Variants in MBLAC2 observed in about 807,000 individuals in gnomAD.
MBLAC2 encodes metallo-beta-lactamase domain containing 2.
In MBLAC2, 24 loss-of-function variants were observed where a neutral mutation model predicts 23.3. The ratio of observed to expected loss-of-function variants is 1.03; its 90% CI spans 0.75 to 1.45. The LOEUF (loss-of-function observed/expected upper bound fraction) is 1.45, where lower values mean the gene tolerates loss of function less well. MBLAC2 is among the 40% of genes most tolerant of loss of function. MBLAC2 has a pLI of 0.00. For synonymous variants in MBLAC2, 162 were observed against 150.9 expected, an observed-to-expected ratio of 1.07 and a Z score of -0.54; for missense variants, 358 against 370.0, an observed-to-expected ratio of 0.97 and a Z score of 0.27.
chr5:90,468,031 G>T (rs1750479531), intron 1 of MBLAC2, among the ~76,000 whole-genome samples: 1 of 152,190 alleles, frequency 6.6e-6, no homozygotes, highest in Non-Finnish European at 1.5e-5. Context: ...GCTAAAAATA[G>T]GACCCCAATC....
In MBLAC2 at chr5:90,474,584, G is replaced by A. The variant is rs532395982; in HGVS notation, c.-292C>T. 3.5e-4 allele frequency: 159 copies of A among 453,400 alleles called. 2 individuals carry two copies. The highest frequency in any genetic ancestry group is 1.5e-3 in the Admixed American group (39 of 25,252). The allele number at this position is 453,400 out of a possible 1,614,324, so 28.1% of individuals were successfully genotyped here. On this transcript the variant is annotated 5_prime_UTR_variant, in exon 1 of 2. Transcript: ENST00000316610. ...ACCGCAGCCTCGGCAGCCGCACCAC[G>A]AGAGAGCTTTAACGCAGGGGCCACT... is the stretch of plus-strand genomic sequence containing the variant.
chr5:90,473,589 G>A, intron 1 of MBLAC2: 1 of 658,766 alleles, frequency 1.5e-6, no homozygotes, highest in Non-Finnish European at 2.7e-6. Flanking sequence ...GGAGGGGGTG[G>A]TGCCGGCTTT....
Position 90,459,509 on chromosome 5 carries a change from ACTAT to A in MBLAC2, c.*1654_*1657del, listed in dbSNP as rs1750324662. ...TTGGATTGTTTTGTTTCCAACTCTG[ACTAT>A]CTAACAAGTTCATCCTTCCAAATTT... On this transcript the variant is annotated 3_prime_UTR_variant, in exon 2 of 2. Coordinates refer to ENST00000316610, the MANE Select transcript of MBLAC2 (RefSeq NM_203406.2). The A allele has an allele frequency of 6.6e-6, 1 of 152,050 alleles. No homozygotes were observed. The allele number at this position is 152,050 out of a possible 1,614,324, so 9.4% of individuals were successfully genotyped here. A position where few individuals can be genotyped will look rare whatever the true frequency, so the allele number is the denominator to read the frequency against.
intron 1 of MBLAC2, among the ~76,000 whole-genome samples, chr5:90,468,771 A>G (rs1750494056): frequency 6.6e-6 from 1 of 152,206 alleles, no homozygotes; most frequent in South Asian, 2.1e-4. Flanking sequence ...CAACTCCAAA[A>G]GAAACCCTCA....
intron 1 of MBLAC2, among the ~76,000 whole-genome samples, chr5:90,469,209 G>A (rs914847413): frequency 1.6e-4 from 25 of 152,028 alleles, no homozygotes; most frequent in African/African-American, 4.8e-4. Flanking sequence ...CAGGTGATCC[G>A]CCCTCCTCGG....
intron 1 of MBLAC2, chr5:90,473,216 A>T (rs1247178747): frequency 1.2e-5 from 2 of 161,498 alleles, no homozygotes; most frequent in East Asian, 3.8e-4. Flanking sequence ...AGTAAGACTC[A>T]GACATATTCT....
chr5:90,461,316 G>A lies in MBLAC2; in HGVS notation c.691C>T (p.His231Tyr), dbSNP rs1750362444. The change falls in exon 2 of 2, where the codon CAC becomes TAC. Residue 231 changes from histidine (H) to tyrosine (Y), a missense_variant. By Grantham distance (83) the His-to-Tyr change is moderately conservative. Coordinates refer to ENST00000316610, the MANE Select transcript of MBLAC2 (RefSeq NM_203406.2). ...RGLVEKVLPGHFNTFGAERLF... is the reference protein window; with the variant it reads ...RGLVEKVLPGYFNTFGAERLF... ...CTTTCAGCACCAAAGGTATTGAAGT[G>A]CCCAGGAAGCACCTTCTCTACCAGA... The A allele has an allele frequency of 1.9e-6, 3 of 1,614,022 alleles. No homozygotes were observed. In the South Asian group the frequency reaches 3.3e-5, roughly 18 times the overall value.
chr5:90,464,252 A>G (rs1750414881), intron 1 of MBLAC2, among the ~76,000 whole-genome samples: 1 of 152,176 alleles, frequency 6.6e-6, no homozygotes, highest in Non-Finnish European at 1.5e-5. Context: ...CCCTCATAAA[A>G]GCCAGACAAA....
intron 1 of MBLAC2, chr5:90,473,562 T>C (rs1435479874): frequency 3.1e-6 from 2 of 643,824 alleles, no homozygotes; most frequent in Non-Finnish European, 5.5e-6. Context: ...CTACAGCCGA[T>C]GCAGGAAAGT....
chr5:90,461,489 C>A lies in MBLAC2; in HGVS notation c.518G>T (p.Gly173Val). The A allele has an allele frequency of 6.2e-7, 1 of 1,614,054 alleles. No individual in the cohort carries two copies. Among genetic ancestry groups the A allele is most frequent in the Non-Finnish European group, 8.5e-7 (1 of 1,179,978 alleles). Residue 173 changes from glycine to valine, a missense_variant, in exon 2 of 2, where the codon GGC becomes GTC. By Grantham distance (109) the Gly-to-Val change is moderately radical. Coordinates refer to ENST00000316610, the MANE Select transcript of MBLAC2 (RefSeq NM_203406.2). The stretch of plus-strand genomic sequence containing the variant: ...GTCTTTGTCATGTAAGCAAATACTG[C>A]CCCTGGAGTGACCTGGCATGTGCAT... ...TVMHMPGHSR[G>V]SICLHDKDRK...
Position 90,459,250 on chromosome 5 carries a change from G to C in MBLAC2, c.*1917C>G, listed in dbSNP as rs937773040. 1 of 152,476 alleles carries C rather than the reference G, an allele frequency of 6.6e-6. No individual in the cohort carries two copies. Among genetic ancestry groups the C allele is most frequent in the Non-Finnish European group, 1.5e-5 (1 of 67,978 alleles). The allele number at this position is 152,476 out of a possible 1,614,324, so 9.4% of individuals were successfully genotyped here. The stretch of plus-strand genomic sequence containing the variant: ...CATAGAGAAATGCCCATGATATTCT[G>C]TTAATATAATTGAACCAATCATACC... On this transcript the variant is annotated 3_prime_UTR_variant, in exon 2 of 2. Transcript: ENST00000316610.
intron 1 of MBLAC2, among the ~76,000 whole-genome samples, chr5:90,470,754 G>GCACACACA (rs112575403): frequency 0.022 from 2,500 of 112,458 alleles, 35 homozygotes; most frequent in African/African-American, 0.024. Context: ...ACTAGCGCGC[G>GCACACACA]CGCACACACA....
At chr5:90,470,331 C>T (rs1935273685) in intron 1 of MBLAC2, among the ~76,000 whole-genome samples, 1 of 152,066 alleles carries the variant, frequency 6.6e-6, no homozygotes, top group Non-Finnish European at 1.5e-5. Flanking sequence ...TTCAAAATAG[C>T]TAGAAGATTT....
rs112198131 is a variant in MBLAC2 at position 90,464,242 on chromosome 5, C to A, written c.455-2690G>T. Among the ~76,000 whole-genome samples the A allele has an allele frequency of 9.5e-3, 1,437 of 152,062 alleles. 10 individuals carry two copies. Among genetic ancestry groups the A allele is most frequent in the Non-Finnish European group, 0.014 (924 of 67,988 alleles). On this transcript the variant is annotated intron_variant, in intron 1 of 1. Transcript: ENST00000316610. ...GATGAGAAATCTAACTCAGTTATTACCCTCATAAAAGCCAGACAAAGACAA... is the reference window on the plus strand; with the variant it reads ...GATGAGAAATCTAACTCAGTTATTAACCTCATAAAAGCCAGACAAAGACAA...
chr5:90,467,137 T>G (rs1232186050), intron 1 of MBLAC2, among the ~76,000 whole-genome samples: 2 of 152,052 alleles, frequency 1.3e-5, no homozygotes, highest in East Asian at 3.9e-4. Context: ...CTCAAAAAAG[T>G]AAAAAATAAA....
chr5:90,463,869 G>C (rs1216670649), intron 1 of MBLAC2, among the ~76,000 whole-genome samples: 1 of 151,962 alleles, frequency 6.6e-6, no homozygotes, highest in East Asian at 1.9e-4. Flanking sequence ...AATTAGAGAA[G>C]ATACAACTTG....
rs535499369 is a variant in MBLAC2 at position 90,470,445 on chromosome 5, G to A, written c.454+3394C>T. Among the ~76,000 whole-genome samples the A allele has an allele frequency of 1.3e-4, 19 of 151,980 alleles. No individual in the cohort carries two copies. The East Asian group carries it at 3.3e-3, about 26-fold the overall frequency. On this transcript the variant is annotated intron_variant, in intron 1 of 1. Transcript: ENST00000316610. ...GTATGCGTTTATCAAAATATCACAC[G>A]TACCCCATAAGTAATTACAACTATT...
At position 90,461,181 on chromosome 5, in the gene MBLAC2, T is replaced by C; in HGVS notation, c.826A>G (p.Arg276Gly). Residue 276 changes from arginine (R) to glycine (G), a missense_variant, in exon 2 of 2, where the codon AGG (arginine) becomes GGG (glycine). Physicochemically the swap from Arg to Gly is moderately radical, Grantham distance 125. Coordinates refer to ENST00000316610, the MANE Select transcript of MBLAC2 (RefSeq NM_203406.2). ...CAGTATAGATACTAGGGCGAGGTCCTAGAATTTGTTACACGTAGAGCTAAA... is the reference window on the plus strand; with the variant it reads ...CAGTATAGATACTAGGGCGAGGTCCCAGAATTTGTTACACGTAGAGCTAAA... ...ASLALRVTNS[R>G]TSP is the part of the protein sequence containing the mutation. 2 of 1,601,394 alleles carry C rather than the reference T, an allele frequency of 1.2e-6. No homozygotes were observed. Among genetic ancestry groups the C allele is most frequent in the South Asian group, 2.3e-5 (2 of 88,728 alleles).
rs1166702805 is a variant in MBLAC2, at chr5:90,465,299, A to G, written c.455-3747T>C. On this transcript the variant is annotated intron_variant, in intron 1 of 1. Transcript: ENST00000316610. ...TTTGACAAAAGATGTTTTGTAATAT[A>G]TGAACACTGTATAATGAAAACTACA... Among the ~76,000 whole-genome samples, 4 of 152,354 alleles carry G rather than the reference A, an allele frequency of 2.6e-5. No homozygotes were observed. The East Asian group carries it at 7.7e-4, about 29-fold the overall frequency.
Sources: gnomAD v4.1 joint callset for allele counts (sites outside exome capture counted in the v4.1 genomes callset) on GRCh38, gnomAD v4.1.1 for gene constraint, MANE v1.5 for transcripts, NCBI Gene and HGNC (gene_info 2026-07-23, HGNC 2026-07-21) for gene names.